TRPS1: variants seen among roughly 807,000 people sequenced by gnomAD.
TRPS1 encodes zinc finger transcription factor Trps1.
TRPS1 carries 6 observed loss-of-function variants against 101.2 expected under a neutral mutation model. The ratio of observed to expected loss-of-function variants is 0.06; its 90% confidence interval spans 0.03 to 0.12. The LOEUF (loss-of-function observed/expected upper bound fraction) is 0.12. Ranked by LOEUF, TRPS1 falls within the 10% of genes least tolerant of loss-of-function variation. The pLI is 1.00. For missense variants in TRPS1, 1,363 were observed against 1,567.0 expected (o/e 0.87, Z 2.20); for synonymous variants, 578 against 589.8 (o/e 0.98, Z 0.29).
intron 5 of TRPS1, among the ~76,000 whole-genome samples, chr8:115,462,512 G>C (rs1477082248): frequency 2.6e-5 from 4 of 152,090 alleles, no homozygotes; most frequent in Non-Finnish European, 4.4e-5. Context: ...ATGAATGTAA[G>C]ATGCTTAGAG....
chr8:115,639,929 T>C (rs887556498), intron 1 of TRPS1, among the ~76,000 whole-genome samples: 1 of 152,178 alleles, frequency 6.6e-6, no homozygotes, highest in African/African-American at 2.4e-5. Flanking sequence ...AAGACTAATG[T>C]CTCTTGTGAC....
intron 5 of TRPS1, among the ~76,000 whole-genome samples, chr8:115,498,518 T>C (rs1815223962): frequency 1.3e-5 from 2 of 149,690 alleles, no homozygotes; most frequent in African/African-American, 4.9e-5. Context: ...TGTTGTCATT[T>C]TCAGTTTTAA....
Position 115,409,276 on chromosome 8 carries a change from A to AAAAAAAAAC in TRPS1, c.*4746_*4747insGTTTTTTTT, listed in dbSNP as rs1812731672. 1 of 149,966 alleles carries AAAAAAAAAC rather than the reference A, an allele frequency of 6.7e-6. No individual in the cohort carries two copies. Among genetic ancestry groups the AAAAAAAAAC allele is most frequent in the Non-Finnish European group, 1.5e-5 (1 of 67,466 alleles). 9.3% of individuals were successfully genotyped at this position (149,966 alleles called of 1,614,324 possible). ...TATATGTTGGGAAAAAAAAAAAAAAAAAAAACAGGGGAAAACCAGAATTGA... is the reference window on the plus strand; with the variant it reads ...TATATGTTGGGAAAAAAAAAAAAAAAAAAAAAAACAAAAACAGGGGAAAACCAGAATTGA... On this transcript the variant is annotated 3_prime_UTR_variant, in exon 7 of 7. Coordinates refer to ENST00000395715, the MANE Select transcript of TRPS1 (RefSeq NM_014112.5).
intron 1 of TRPS1, among the ~76,000 whole-genome samples, chr8:115,632,321 G>A (rs930321005): frequency 4.6e-5 from 7 of 151,874 alleles, no homozygotes; most frequent in African/African-American, 1.7e-4. Flanking sequence ...TATACAAGTA[G>A]CATAATACAT....
At chr8:115,440,579 T>C (rs1813568099) in intron 5 of TRPS1, among the ~76,000 whole-genome samples, 1 of 152,234 alleles carries the variant, frequency 6.6e-6, no homozygotes, top group Non-Finnish European at 1.5e-5. Context: ...CTCCTAAAAA[T>C]ATAGATGTTT....
intron 5 of TRPS1, among the ~76,000 whole-genome samples, chr8:115,507,510 ATG>A (rs1815475663): frequency 6.6e-6 from 1 of 151,556 alleles, no homozygotes; most frequent in Admixed American, 6.6e-5. Context: ...TGTGAGCCAG[ATG>A]TTCATTTACA....
At chr8:115,586,148 A>G (rs545567871) in intron 5 of TRPS1, among the ~76,000 whole-genome samples, 3 of 152,352 alleles carry the variant, frequency 2.0e-5, no homozygotes, top group African/African-American at 7.2e-5. Context: ...ACAAAGCTTC[A>G]AAATCATCCA....
intron 5 of TRPS1, among the ~76,000 whole-genome samples, chr8:115,433,499 A>G (rs988698382): frequency 6.6e-6 from 1 of 152,102 alleles, no homozygotes; most frequent in African/African-American, 2.4e-5. Context: ...TAATGGTAAA[A>G]GCAGTACTGA....
chr8:115,422,503 A>G (rs148289684), intron 5 of TRPS1, among the ~76,000 whole-genome samples: 7,520 of 151,972 alleles, frequency 0.049, 678 homozygotes, highest in African/African-American at 0.17. Context: ...AGTAGCTGGG[A>G]TTACAGACGC....
In TRPS1 at chr8:115,459,324, A is replaced by AAATAATAATAATAAT. The variant is rs61516910; in HGVS notation, c.2701-40887_2701-40873dup. 7.8e-3 allele frequency among the ~76,000 whole-genome samples: 1,174 copies of AAATAATAATAATAAT among 149,934 alleles called. 8 individuals carry two copies. The highest frequency in any genetic ancestry group is 0.012 in the Non-Finnish European group (814 of 67,414). On this transcript the variant is annotated intron_variant, in intron 5 of 6. Transcript: ENST00000395715. ...AGGCAACAGAGCAAGACTCTGTCTC[A>AAATAATAATAATAAT]AATAATAATAATAATAATAATAATG...
intron 5 of TRPS1, among the ~76,000 whole-genome samples, chr8:115,421,345 G>C (rs1254255842): frequency 6.6e-6 from 1 of 150,576 alleles, no homozygotes; most frequent in East Asian, 1.9e-4. Context: ...TGTAGTAAGT[G>C]CTCAAATCCT....
At chr8:115,639,855 C>G (rs912558025) in intron 1 of TRPS1, among the ~76,000 whole-genome samples, 2 of 151,880 alleles carry the variant, frequency 1.3e-5, no homozygotes, top group African/African-American at 4.8e-5. Flanking sequence ...AATAAAAAGT[C>G]TAATACTGGT....
At chr8:115,627,551 A>ATG (rs1818538185) in intron 1 of TRPS1, among the ~76,000 whole-genome samples, 1 of 151,862 alleles carries the variant, frequency 6.6e-6, no homozygotes, top group Non-Finnish European at 1.5e-5. Context: ...CTTGATGGTT[A>ATG]TGATGTGAAT....
At chr8:115,605,059 T>A in intron 3 of TRPS1, 57 bp from the exon 4 acceptor site, 1 of 1,505,066 alleles carries the variant, frequency 6.6e-7, no homozygotes. Flanking sequence ...CAATGGGCCC[T>A]CTGCAGGGGA....
chr8:115,475,753 T>TA (rs1180711250), intron 5 of TRPS1, among the ~76,000 whole-genome samples: 3 of 152,168 alleles, frequency 2.0e-5, no homozygotes, highest in Non-Finnish European at 4.4e-5. Flanking sequence ...ATAGTCCATG[T>TA]AAGGCTTCAT....
At chr8:115,499,752 A>G (rs1458829995) in intron 5 of TRPS1, among the ~76,000 whole-genome samples, 1 of 152,186 alleles carries the variant, frequency 6.6e-6, no homozygotes, top group East Asian at 1.9e-4. Flanking sequence ...AGGTTTAAAA[A>G]ATTAATAAAC....
chr8:115,546,265 A>G (rs1300252796), intron 5 of TRPS1, among the ~76,000 whole-genome samples: 4 of 151,896 alleles, frequency 2.6e-5, no homozygotes, highest in Admixed American at 2.6e-4. Context: ...TATATATTTA[A>G]AAAGCATTTG....
intron 3 of TRPS1, among the ~76,000 whole-genome samples, chr8:115,610,665 T>C (rs1040004045): frequency 1.3e-5 from 2 of 152,236 alleles, no homozygotes; most frequent in African/African-American, 2.4e-5. Context: ...AAATACTGCA[T>C]ATTCCTCATT....
intron 5 of TRPS1, among the ~76,000 whole-genome samples, chr8:115,474,869 AG>A (rs1814561513): frequency 6.6e-6 from 1 of 152,094 alleles, no homozygotes; most frequent in Admixed American, 6.5e-5. Flanking sequence ...TTTGCTCACA[AG>A]TTATAAAAGT....
Sources: gnomAD v4.1 joint callset for allele counts (sites outside exome capture counted in the v4.1 genomes callset) on GRCh38, gnomAD v4.1.1 for gene constraint, MANE v1.5 for transcripts, NCBI Gene and HGNC (gene_info 2026-07-23, HGNC 2026-07-21) for gene names.